The following CPNE4 variants were observed in gnomAD, a reference collection of about 807,000 sequenced individuals.
CPNE4 encodes the protein copine-4.
A neutral mutation model predicts 67.9 loss-of-function variants in CPNE4; 25 were observed. The ratio of observed to expected loss-of-function variants is 0.37; its 90% CI spans 0.27 to 0.51. CPNE4 has a LOEUF of 0.51. CPNE4 is among the 20% of genes least tolerant of loss of function. The probability of loss-of-function intolerance (pLI) is 0.93; values close to 1 mark genes in which losing one functional copy is unlikely to be tolerated. For synonymous variants in CPNE4, 242 were observed against 244.9 expected (o/e 0.99, Z 0.11); for missense variants, 464 against 690.8 (o/e 0.67, Z 3.68).
intron 2 of CPNE4, among the ~76,000 whole-genome samples, chr3:131,855,672 G>T (rs573816853): frequency 1.9e-4 from 29 of 151,838 alleles, no homozygotes; most frequent in South Asian, 4.2e-4. Context: ...GATCGAAGTA[G>T]TTATTTGTTC....
chr3:131,859,122 G>T (rs1001838089), intron 2 of CPNE4, among the ~76,000 whole-genome samples: 2 of 152,148 alleles, frequency 1.3e-5, no homozygotes, highest in Non-Finnish European at 2.9e-5. Context: ...AATGATGTAA[G>T]TGTCAGAAGT....
chr3:131,950,930 G>A (rs1321598786), intron 1 of CPNE4, among the ~76,000 whole-genome samples: 1 of 152,192 alleles, frequency 6.6e-6, no homozygotes, highest in Non-Finnish European at 1.5e-5. Context: ...TAAAGAGACT[G>A]AGCATCTCAT....
At chr3:132,001,032 G>A (rs1421243489) in intron 1 of CPNE4, among the ~76,000 whole-genome samples, 1 of 151,934 alleles carries the variant, frequency 6.6e-6, no homozygotes, top group Non-Finnish European at 1.5e-5. Flanking sequence ...AACCAGTCAA[G>A]ACCATGTCAA....
At chr3:131,941,798 T>C (rs2071396395) in intron 1 of CPNE4, among the ~76,000 whole-genome samples, 1 of 152,112 alleles carries the variant, frequency 6.6e-6, no homozygotes. Context: ...ACAGATGTTT[T>C]ATTGTTTAAT....
intron 2 of CPNE4, among the ~76,000 whole-genome samples, chr3:131,807,482 C>G (rs2084362365): frequency 1.3e-5 from 2 of 152,098 alleles, no homozygotes; most frequent in Admixed American, 1.3e-4. Context: ...AGGGTCTATT[C>G]TCTTATTAAT....
At chr3:131,734,794 G>A (rs1449911189) in intron 2 of CPNE4, among the ~76,000 whole-genome samples, 1 of 152,136 alleles carries the variant, frequency 6.6e-6, no homozygotes, top group African/African-American at 2.4e-5. Context: ...AGGAGGTTGA[G>A]GTGGGAGAAT....
intron 12 of CPNE4, among the ~76,000 whole-genome samples, chr3:131,554,269 G>T (rs892607765): frequency 1.2e-4 from 19 of 152,050 alleles, no homozygotes; most frequent in Non-Finnish European, 2.2e-4. Context: ...GCTTATTCTT[G>T]TATCGGTCAT....
intron 1 of CPNE4, among the ~76,000 whole-genome samples, chr3:132,004,326 A>G (rs1435694819): frequency 1.3e-5 from 2 of 152,164 alleles, no homozygotes; most frequent in African/African-American, 4.8e-5. Flanking sequence ...AAATCAAGAT[A>G]ACCCTTAAGC....
intron 1 of CPNE4, among the ~76,000 whole-genome samples, chr3:132,001,667 G>A (rs1423606429): frequency 1.3e-5 from 2 of 152,016 alleles, no homozygotes; most frequent in Non-Finnish European, 2.9e-5. Flanking sequence ...CTAAGTATTC[G>A]ATTCAAAGCA....
At position 131,967,122 on chromosome 3, in the gene CPNE4, C is replaced by A. The variant is rs974578466; in HGVS notation, c.-1-61678G>T. 2.0e-5 allele frequency among the ~76,000 whole-genome samples: 3 copies of A among 152,234 alleles called. No individual in the cohort carries two copies. In the East Asian group the frequency reaches 5.8e-4, roughly 29 times the overall value. ...ACATAAATAGAACCAATGACAAAAACCACATGATTATCTCAATAGATGCAG... is the reference window on the plus strand; with the variant it reads ...ACATAAATAGAACCAATGACAAAAAACACATGATTATCTCAATAGATGCAG... On this transcript the variant is annotated intron_variant, in intron 1 of 15. Coordinates refer to ENST00000429747, the MANE Select transcript of CPNE4 (RefSeq NM_130808.3).
intron 7 of CPNE4, among the ~76,000 whole-genome samples, chr3:131,594,496 A>C (rs987702375): frequency 6.6e-6 from 1 of 152,218 alleles, no homozygotes; most frequent in African/African-American, 2.4e-5. Context: ...GGATATTCAC[A>C]TAAAAAATGA....
At chr3:131,976,904 C>T (rs557767424) in intron 1 of CPNE4, among the ~76,000 whole-genome samples, 6 of 151,870 alleles carry the variant, frequency 4.0e-5, no homozygotes, top group Non-Finnish European at 5.9e-5. Flanking sequence ...AGGGTTCAAG[C>T]GATTCTCCTG....
At chr3:131,961,900 T>C (rs2072192532) in intron 1 of CPNE4, among the ~76,000 whole-genome samples, 1 of 152,232 alleles carries the variant, frequency 6.6e-6, no homozygotes, top group Admixed American at 6.5e-5. Context: ...GATCTGCTAC[T>C]GCATACATAT....
At chr3:131,607,706 G>T (rs1465528092) in intron 7 of CPNE4, among the ~76,000 whole-genome samples, 1 of 152,110 alleles carries the variant, frequency 6.6e-6, no homozygotes, top group Non-Finnish European at 1.5e-5. Flanking sequence ...CAGTACTATG[G>T]GAGGTTAATA....
chr3:132,004,487 A>G (rs1583585819), intron 1 of CPNE4, among the ~76,000 whole-genome samples: 1 of 152,100 alleles, frequency 6.6e-6, no homozygotes, highest in East Asian at 1.9e-4. Context: ...TGGGATCATA[A>G]TGGATATAGT....
chr3:131,801,415 CGTGTGTGTGTGTGTGTGT>C (rs796117335), intron 2 of CPNE4, among the ~76,000 whole-genome samples: 2 of 66,088 alleles, frequency 3.0e-5, no homozygotes, highest in African/African-American at 1.4e-4. Flanking sequence ...TACATATATA[CGTGTGTGTGTGTGTGTGT>C]GTGTGTGTGT....
intron 1 of CPNE4, among the ~76,000 whole-genome samples, chr3:131,968,268 T>C (rs1247418673): frequency 1.3e-5 from 2 of 152,194 alleles, no homozygotes; most frequent in Admixed American, 1.3e-4. Context: ...GAAGATATCC[T>C]AGGCACTACC....
At chr3:131,773,838 T>C (rs1469435970) in intron 2 of CPNE4, among the ~76,000 whole-genome samples, 2 of 152,192 alleles carry the variant, frequency 1.3e-5, no homozygotes, top group Non-Finnish European at 2.9e-5. Context: ...CTACATCATG[T>C]GCTACTGTAA....
At chr3:132,030,623 G>A (rs1344942828) in intron 1 of CPNE4, among the ~76,000 whole-genome samples, 1 of 152,152 alleles carries the variant, frequency 6.6e-6, no homozygotes. Context: ...TATTTACTGA[G>A]CTAAAAGCTG....
Sources: allele counts gnomAD v4.1 joint callset (sites outside exome capture counted in the v4.1 genomes callset), GRCh38; gene constraint gnomAD v4.1.1; transcripts MANE v1.5; gene names NCBI Gene and HGNC (gene_info 2026-07-23, HGNC 2026-07-21).